Variants in UBE2D1 observed in about 807,000 individuals in gnomAD.
UBE2D1 encodes the protein ubiquitin conjugating enzyme E2 D1.
Under a neutral mutation model 24.6 loss-of-function variants are expected in UBE2D1, and 9 were observed. The observed-to-expected ratio is 0.37, with a 90% CI of 0.22 to 0.64. The LOEUF is 0.64. Among genes scored for constraint, UBE2D1 ranks in the 30% least tolerant of loss-of-function variants. UBE2D1 has a pLI of 0.64. For missense variants in UBE2D1, 87 were observed against 177.1 expected (o/e 0.49, Z 2.89); for synonymous variants, 57 against 57.6 (o/e 0.99, Z 0.04).
rs1325099051 is a variant in UBE2D1, at chr10:58,361,060, A to G, written c.25-278A>G. On this transcript the variant is annotated intron_variant, in intron 1 of 6. Coordinates refer to ENST00000373910, the MANE Select transcript of UBE2D1 (RefSeq NM_003338.5). ...CATTTACATAAATTATCTTACATAC[A>G]GTAGGTACTCATTAAATAGTTTTTC... is the stretch of plus-strand genomic sequence containing the variant. 2.8e-5 allele frequency: 15 copies of G among 526,628 alleles called. No individual in the cohort carries two copies. In the East Asian group the frequency reaches 5.0e-4, roughly 17 times the overall value. The allele number at this position is 526,628 out of a possible 1,614,324, so 32.6% of individuals were successfully genotyped here.
intron 1 of UBE2D1, among the ~76,000 whole-genome samples, chr10:58,352,903 C>T (rs1388667562): frequency 6.6e-6 from 1 of 152,044 alleles, no homozygotes; most frequent in Non-Finnish European, 1.5e-5. Flanking sequence ...GATAAACTTT[C>T]TTTCCAGGGT....
intron 4 of UBE2D1, 92 bp downstream of exon 4, chr10:58,363,778 T>A: frequency 1.1e-6 from 1 of 870,396 alleles, no homozygotes; most frequent in Non-Finnish European, 1.7e-6. Flanking sequence ...TCATTTGATA[T>A]GTCAAAGACT....
At chr10:58,335,344 C>T (rs1839890519) in intron 1 of UBE2D1, 119 bp downstream of exon 1, 5 of 1,212,224 alleles carry the variant, frequency 4.1e-6, no homozygotes, top group South Asian at 1.6e-5. Flanking sequence ...GGCCGGGGTG[C>T]GGGCAGGGAG....
intron 5 of UBE2D1, among the ~76,000 whole-genome samples, chr10:58,366,873 T>C (rs1840261522): frequency 6.6e-6 from 1 of 152,108 alleles, no homozygotes; most frequent in South Asian, 2.1e-4. Flanking sequence ...CATACCACCA[T>C]TGCCTGGAGC....
chr10:58,337,251 C>T (rs763138006), intron 1 of UBE2D1, among the ~76,000 whole-genome samples: 3 of 152,104 alleles, frequency 2.0e-5, no homozygotes, highest in Non-Finnish European at 2.9e-5. Flanking sequence ...TCATTTTTGG[C>T]TTCCCTTTCT....
chr10:58,339,144 C>T (rs928294977), intron 1 of UBE2D1, among the ~76,000 whole-genome samples: 2 of 152,084 alleles, frequency 1.3e-5, no homozygotes, highest in African/African-American at 2.4e-5. Context: ...CTCACTTTGT[C>T]ACCCAGGCTG....
intron 5 of UBE2D1, among the ~76,000 whole-genome samples, chr10:58,366,193 A>T (rs1840253418): frequency 6.6e-6 from 1 of 152,242 alleles, no homozygotes. Context: ...CATATAAAAG[A>T]AATGGCAAAC....
intron 1 of UBE2D1, among the ~76,000 whole-genome samples, chr10:58,346,358 A>C (rs1249062544): frequency 2.0e-5 from 3 of 152,106 alleles, no homozygotes; most frequent in Admixed American, 6.6e-5. Flanking sequence ...CATCAAACTC[A>C]AGATTGTTTA....
intron 3 of UBE2D1, among the ~76,000 whole-genome samples, chr10:58,363,234 T>G (rs2306605): frequency 0.047 from 7,119 of 152,226 alleles, 381 homozygotes; most frequent in East Asian, 0.31. Flanking sequence ...AAATACTGAT[T>G]ACGGCTGCAG....
chr10:58,362,895 G>A (rs1840215663), intron 3 of UBE2D1, among the ~76,000 whole-genome samples: 2 of 152,052 alleles, frequency 1.3e-5, no homozygotes, highest in South Asian at 4.1e-4. Context: ...TGTAGGTATA[G>A]TTTGCTAGCA....
chr10:58,355,411 G>A (rs1305923217), intron 1 of UBE2D1, among the ~76,000 whole-genome samples: 1 of 152,200 alleles, frequency 6.6e-6, no homozygotes, highest in Middle Eastern at 3.2e-3. Flanking sequence ...AATGCCTAGA[G>A]TATCGGAAGC....
At chr10:58,335,254 C>T (rs1273934977) in intron 1 of UBE2D1, 29 bp downstream of exon 1, 3 of 1,512,332 alleles carry the variant, frequency 2.0e-6, no homozygotes, top group African/African-American at 2.9e-5. Flanking sequence ...CCTGGGGCTG[C>T]GGGGCAGCGG....
chr10:58,350,910 GA>G (rs557896446), intron 1 of UBE2D1, among the ~76,000 whole-genome samples: 103 of 152,288 alleles, frequency 6.8e-4, no homozygotes, highest in African/African-American at 2.2e-3. Context: ...TCCTAGGCTA[GA>G]AACCTATACA....
intron 1 of UBE2D1, among the ~76,000 whole-genome samples, chr10:58,348,492 G>T (rs1400817920): frequency 6.6e-6 from 1 of 152,228 alleles, no homozygotes; most frequent in Non-Finnish European, 1.5e-5. Context: ...TTAATTGCCA[G>T]TTGAGCCAGG....
chr10:58,362,356 C>G (rs957310639), intron 3 of UBE2D1, among the ~76,000 whole-genome samples: 1 of 152,110 alleles, frequency 6.6e-6, no homozygotes, highest in Non-Finnish European at 1.5e-5. Context: ...AACACCAAAA[C>G]TACTGAATTT....
chr10:58,367,898 A>T (rs1289401683), intron 5 of UBE2D1, 25 bp from the exon 6 acceptor site: 1 of 1,489,602 alleles, frequency 6.7e-7, no homozygotes, highest in Non-Finnish European at 9.4e-7. Flanking sequence ...TTATTGTCTA[A>T]TGTGATGTTC....
chr10:58,336,932 C>G (rs1031166221), intron 1 of UBE2D1, among the ~76,000 whole-genome samples: 112 of 152,274 alleles, frequency 7.4e-4, no homozygotes, highest in Non-Finnish European at 1.0e-3. Context: ...ACACAAGTCA[C>G]CATACCCAAC....
intron 1 of UBE2D1, among the ~76,000 whole-genome samples, chr10:58,359,014 A>T (rs1397757669): frequency 5.4e-4 from 19 of 35,462 alleles, no homozygotes; most frequent in Admixed American, 9.2e-4. Flanking sequence ...CCAGCTATTT[A>T]AAAAAAAAAA....
At chr10:58,343,031 A>G (rs780205552) in intron 1 of UBE2D1, among the ~76,000 whole-genome samples, 4 of 151,994 alleles carry the variant, frequency 2.6e-5, no homozygotes, top group Non-Finnish European at 5.9e-5. Flanking sequence ...AGGTTTCACC[A>G]TGTTGGTCAG....
Sources: allele counts gnomAD v4.1 joint callset (sites outside exome capture counted in the v4.1 genomes callset), GRCh38; gene constraint gnomAD v4.1.1; transcripts MANE v1.5; gene names NCBI Gene and HGNC (gene_info 2026-07-23, HGNC 2026-07-21).